Variants in ZNF705B observed in about 807,000 individuals in gnomAD.
ZNF705B encodes the protein zinc finger protein 705B.
In ZNF705B, 1 loss-of-function variant was observed where a neutral mutation model predicts 10.5. The ratio of observed to expected loss-of-function variants is 0.10; its 90% CI spans 0.03 to 0.45. The LOEUF (loss-of-function observed/expected upper bound fraction) is 0.45, where lower values mean the gene tolerates loss of function less well. ZNF705B is among the 20% of genes least tolerant of loss of function. The probability of loss-of-function intolerance (pLI) is 0.97; values close to 1 mark genes in which losing one functional copy is unlikely to be tolerated. For synonymous variants in ZNF705B, 4 were observed against 25.4 expected (o/e 0.16, Z 2.53); for missense variants, 14 against 84.0 (o/e 0.17, Z 3.26).
At chr8:7,928,216 TC>T (rs1819750770) in intron 1 of ZNF705B, among the ~76,000 whole-genome samples, 1 of 112,758 alleles carries the variant, frequency 8.9e-6, no homozygotes, top group African/African-American at 2.6e-5. Context: ...GGACTTCAGC[TC>T]CACGACTTAA....
intron 2 of ZNF705B, among the ~76,000 whole-genome samples, chr8:7,936,148 A>C (rs868324023): frequency 0.015 from 1,621 of 111,700 alleles, 65 homozygotes; most frequent in African/African-American, 0.041. Context: ...GTCTTGGCTT[A>C]TAATAGCTAT....
chr8:7,936,664 G>A (rs1268672590), intron 2 of ZNF705B, among the ~76,000 whole-genome samples: 4 of 118,342 alleles, frequency 3.4e-5, no homozygotes, highest in Non-Finnish European at 6.0e-5. Flanking sequence ...AGGGGGAGCC[G>A]AGCAATGAGT....
chr8:7,928,663 G>A (rs1458076655), intron 1 of ZNF705B, among the ~76,000 whole-genome samples: 5 of 93,664 alleles, frequency 5.3e-5, no homozygotes, highest in African/African-American at 1.4e-4. Flanking sequence ...AAACTCTTTG[G>A]CCCCTAATGC....
chr8:7,931,986 C>A, intron 2 of ZNF705B, among the ~76,000 whole-genome samples: 1 of 121,096 alleles, frequency 8.3e-6, no homozygotes, highest in Non-Finnish European at 2.0e-5. Context: ...GGCCCCAGGG[C>A]AGGATGTAGT....
intron 1 of ZNF705B, among the ~76,000 whole-genome samples, chr8:7,929,468 T>A (rs1819782563): frequency 8.3e-6 from 1 of 120,878 alleles, no homozygotes; most frequent in Non-Finnish European, 2.0e-5. Context: ...TATAATAATT[T>A]ATTCTGGGGA....
rs866429093 is a variant in ZNF705B, at chr8:7,930,041, G to A, written c.-221-246G>A. Among the ~76,000 whole-genome samples, 519 of 103,774 alleles carry A rather than the reference G, an allele frequency of 5.0e-3. 13 individuals carry two copies. The highest frequency in any genetic ancestry group is 0.014 in the African/African-American group (493 of 36,156). The allele number at this position is 103,774 out of a possible 152,430, so 68.1% of individuals were successfully genotyped here. The stretch of plus-strand genomic sequence containing the variant: ...GGTACATGCGCAGATTTGTTACATG[G>A]GAATATGGTATTATGTGGTGGTTTG... On this transcript the variant is annotated intron_variant, in intron 1 of 6. Coordinates refer to ENST00000400120, the MANE Select transcript of ZNF705B (RefSeq NM_001193630.1).
intron 2 of ZNF705B, among the ~76,000 whole-genome samples, chr8:7,940,726 T>C (rs1247553435): frequency 6.8e-6 from 1 of 146,656 alleles, no homozygotes; most frequent in Non-Finnish European, 1.5e-5. Context: ...TCATATAACC[T>C]AATGCCCTCC....
At chr8:7,928,119 T>A (rs1819748269) in intron 1 of ZNF705B, among the ~76,000 whole-genome samples, 1 of 117,338 alleles carries the variant, frequency 8.5e-6, no homozygotes, top group Non-Finnish European at 2.0e-5. Flanking sequence ...TGGAGAGAGC[T>A]CGTTCCCTTC....
chr8:7,938,393 GA>G (rs1337753241), intron 2 of ZNF705B, among the ~76,000 whole-genome samples: 1 of 121,120 alleles, frequency 8.3e-6, no homozygotes, highest in African/African-American at 2.9e-5. Flanking sequence ...GACTTTTGCC[GA>G]AAGAGGAGCT....
At chr8:7,928,133 G>C (rs1819748602) in intron 1 of ZNF705B, among the ~76,000 whole-genome samples, 1 of 115,690 alleles carries the variant, frequency 8.6e-6, no homozygotes, top group Non-Finnish European at 2.1e-5. Context: ...TCCCTTCTCT[G>C]TGATGTTATG....
chr8:7,928,806 A>G (rs1262026672), intron 1 of ZNF705B, among the ~76,000 whole-genome samples: 5 of 101,596 alleles, frequency 4.9e-5, no homozygotes, highest in African/African-American at 1.4e-4. Context: ...TGTAATTTCC[A>G]TTTACAGAAT....
intron 2 of ZNF705B, among the ~76,000 whole-genome samples, chr8:7,936,264 CAT>C (rs1455448663): frequency 8.3e-6 from 1 of 120,162 alleles, no homozygotes; most frequent in African/African-American, 2.5e-5. Context: ...GTCTTTGAAT[CAT>C]GTGTACTATT....
chr8:7,936,960 G>A (rs958569918), intron 2 of ZNF705B, among the ~76,000 whole-genome samples: 2 of 120,050 alleles, frequency 1.7e-5, no homozygotes, highest in African/African-American at 5.1e-5. Context: ...AGTAACATTA[G>A]GGATTTTAAA....
At chr8:7,941,157 C>T (rs1356415871) in intron 2 of ZNF705B, among the ~76,000 whole-genome samples, 5 of 146,690 alleles carry the variant, frequency 3.4e-5, no homozygotes, top group Admixed American at 1.4e-4. Context: ...CATATGTGTG[C>T]ATGTATCTTT....
chr8:7,938,874 GTCTT>G, intron 2 of ZNF705B: 1 of 533,122 alleles, frequency 1.9e-6, no homozygotes. Context: ...GATAATAAGA[GTCTT>G]TCTGTACCTC....
At chr8:7,933,928 ACTT>A (rs1819922311) in intron 2 of ZNF705B, among the ~76,000 whole-genome samples, 1 of 49,258 alleles carries the variant, frequency 2.0e-5, no homozygotes, top group Admixed American at 2.9e-4. Context: ...TGTAATATAA[ACTT>A]TTTTTTTTTT....
chr8:7,931,250 G>T (rs1315694263), intron 2 of ZNF705B, among the ~76,000 whole-genome samples: 3 of 121,080 alleles, frequency 2.5e-5, no homozygotes, highest in Non-Finnish European at 5.9e-5. Flanking sequence ...GTCATAGCAG[G>T]TCAACTCTCG....
chr8:7,932,690 C>G (rs1005717648), intron 2 of ZNF705B, among the ~76,000 whole-genome samples: 1 of 120,544 alleles, frequency 8.3e-6, no homozygotes, highest in African/African-American at 2.5e-5. Flanking sequence ...ATGTTTTGAA[C>G]TTTTTGAGAT....
intron 2 of ZNF705B, among the ~76,000 whole-genome samples, chr8:7,931,951 A>G (rs1343556633): frequency 1.6e-5 from 2 of 122,538 alleles, no homozygotes; most frequent in African/African-American, 5.0e-5. Flanking sequence ...GAGGGTCCAG[A>G]GATGTGGAGA....
Sources: gnomAD v4.1 joint callset for allele counts (sites outside exome capture counted in the v4.1 genomes callset) on GRCh38, gnomAD v4.1.1 for gene constraint, MANE v1.5 for transcripts, NCBI Gene and HGNC (gene_info 2026-07-23, HGNC 2026-07-21) for gene names.